Variants in RBFOX1 observed in about 807,000 individuals in gnomAD.
The protein encoded by RBFOX1 is RNA binding fox-1 homolog 1.
In RBFOX1, 8 loss-of-function variants were observed where a neutral mutation model predicts 57.7. The ratio of observed to expected loss-of-function variants is 0.14; its 90% CI spans 0.08 to 0.25. The LOEUF (loss-of-function observed/expected upper bound fraction) is 0.25. RBFOX1 is among the 10% of genes least tolerant of loss of function. The pLI is 1.00. For missense variants in RBFOX1, 611 were observed against 548.5 expected (o/e 1.11, Z -1.14); for synonymous variants, 326 against 222.4 (o/e 1.47, Z -4.15).
intron 3 of RBFOX1, among the ~76,000 whole-genome samples, chr16:6,991,169 G>T (rs917104655): frequency 7.0e-6 from 1 of 143,686 alleles, no homozygotes; most frequent in African/African-American, 2.6e-5. Context: ...AAAAGACACG[G>T]TGGCGTGTAC....
chr16:5,457,574 C>A (rs1278976585), intron 1 of RBFOX1, among the ~76,000 whole-genome samples: 1 of 152,212 alleles, frequency 6.6e-6, no homozygotes, highest in Non-Finnish European at 1.5e-5. Context: ...TGGGGCCACA[C>A]AGGCATTCAG....
chr16:7,403,070 A>G (rs914297330), intron 4 of RBFOX1, among the ~76,000 whole-genome samples: 2 of 152,136 alleles, frequency 1.3e-5, no homozygotes, highest in African/African-American at 2.4e-5. Context: ...TTATCTGACC[A>G]CTTCTTTTTA....
chr16:5,515,907 G>A (rs1567182128), intron 2 of RBFOX1, among the ~76,000 whole-genome samples: 1 of 152,176 alleles, frequency 6.6e-6, no homozygotes. Flanking sequence ...ACACAATGAG[G>A]TAGTCTATTC....
chr16:5,924,202 G>A (rs1235164705), intron 4 of RBFOX1, among the ~76,000 whole-genome samples: 1 of 152,164 alleles, frequency 6.6e-6, no homozygotes, highest in Non-Finnish European at 1.5e-5. Context: ...CCCCAGCCAT[G>A]TGGAACTGTG....
chr16:5,924,871 A>G (rs1295042600), intron 4 of RBFOX1, among the ~76,000 whole-genome samples: 1 of 152,164 alleles, frequency 6.6e-6, no homozygotes, highest in African/African-American at 2.4e-5. Flanking sequence ...TGGGGAGTAA[A>G]GTCTAACTGT....
At chr16:6,521,072 A>C (rs2096488797) in intron 2 of RBFOX1, among the ~76,000 whole-genome samples, 1 of 152,186 alleles carries the variant, frequency 6.6e-6, no homozygotes, top group Non-Finnish European at 1.5e-5. Flanking sequence ...AATTCCACGC[A>C]CAGGAATAGC....
intron 3 of RBFOX1, among the ~76,000 whole-genome samples, chr16:5,767,748 AT>A (rs2053838228): frequency 6.6e-6 from 1 of 152,170 alleles, no homozygotes; most frequent in South Asian, 2.1e-4. Flanking sequence ...GTAATTAGAT[AT>A]TTAAAGACCC....
At chr16:5,377,042 G>T (rs952939794) in intron 1 of RBFOX1, among the ~76,000 whole-genome samples, 1 of 151,664 alleles carries the variant, frequency 6.6e-6, no homozygotes, top group Admixed American at 6.5e-5. Context: ...CCACTTCTGG[G>T]GGAGCCCAAA....
chr16:6,660,796 C>T (rs1014447494), intron 3 of RBFOX1, among the ~76,000 whole-genome samples: 3 of 152,096 alleles, frequency 2.0e-5, no homozygotes, highest in Non-Finnish European at 4.4e-5. Context: ...ACCTACAGGC[C>T]TACCATGTCA....
intron 4 of RBFOX1, among the ~76,000 whole-genome samples, chr16:7,429,753 C>G (rs1469502968): frequency 6.6e-6 from 1 of 152,212 alleles, no homozygotes; most frequent in African/African-American, 2.4e-5. Flanking sequence ...GGTAGAGTAT[C>G]ACTCAGATAT....
At chr16:6,362,397 TA>T (rs2088733289) in intron 2 of RBFOX1, among the ~76,000 whole-genome samples, 1 of 152,136 alleles carries the variant, frequency 6.6e-6, no homozygotes. Flanking sequence ...GAAGTTTTCA[TA>T]AAATTGAATG....
chr16:5,862,578 A>G lies in RBFOX1; in HGVS notation c.319-4725A>G, dbSNP rs183798479. Among the ~76,000 whole-genome samples, 27 of 152,302 alleles carry G rather than the reference A, an allele frequency of 1.8e-4. No homozygotes were observed. The East Asian group carries it at 5.0e-3, about 28-fold the overall frequency. On this transcript the variant is annotated intron_variant, in intron 3 of 19. Coordinates refer to the RBFOX1 transcript ENST00000641259. Reference sequence around the variant, plus strand: ...CAGGGTTTTTGGATGGGAGCATTGCAGAGCTGTGCAGGGAGCGCTGTCTAG... The same window carrying G: ...CAGGGTTTTTGGATGGGAGCATTGCGGAGCTGTGCAGGGAGCGCTGTCTAG...
chr16:5,546,976 A>G (rs771497130), intron 2 of RBFOX1, among the ~76,000 whole-genome samples: 10 of 152,206 alleles, frequency 6.6e-5, no homozygotes, highest in Non-Finnish European at 1.3e-4. Flanking sequence ...TTAGATATAC[A>G]TGGCAAATAA....
intron 3 of RBFOX1, among the ~76,000 whole-genome samples, chr16:7,026,709 C>G (rs917729557): frequency 4.6e-5 from 7 of 152,178 alleles, no homozygotes; most frequent in African/African-American, 9.7e-5. Flanking sequence ...TACTGTGCCT[C>G]TGAACCCTCT....
chr16:7,430,372 C>T lies in RBFOX1; in HGVS notation c.28-87775C>T, dbSNP rs185011861. On this transcript the variant is annotated intron_variant, in intron 4 of 15. Coordinates refer to ENST00000550418, the MANE Select transcript of RBFOX1 (RefSeq NM_018723.4). ...TTCCTTCTTTGAATTAAAAATGGTACCCACCTAGGCTGGGCGCAGTGGCTC... is the reference window on the plus strand; with the variant it reads ...TTCCTTCTTTGAATTAAAAATGGTATCCACCTAGGCTGGGCGCAGTGGCTC... 2.0e-3 allele frequency among the ~76,000 whole-genome samples: 307 copies of T among 152,204 alleles called. 1 individual carries two copies. Among genetic ancestry groups the T allele is most frequent in the African/African-American group, 7.2e-3 (300 of 41,538 alleles).
chr16:5,360,121 A>T (rs2065502557), intron 1 of RBFOX1, among the ~76,000 whole-genome samples: 1 of 152,130 alleles, frequency 6.6e-6, no homozygotes, highest in Non-Finnish European at 1.5e-5. Context: ...GAGGACAGAG[A>T]CAGTTCTGGA....
Position 5,638,424 on chromosome 16 carries a change from C to G in RBFOX1, c.318+39463C>G, listed in dbSNP as rs146606130. Reference sequence around the variant, plus strand: ...CAGGGGGAGGGCTTCTGGGGAGTAACCATGATGATTGAATAAGCTGGTGTT... The same window carrying G: ...CAGGGGGAGGGCTTCTGGGGAGTAAGCATGATGATTGAATAAGCTGGTGTT... On this transcript the variant is annotated intron_variant, in intron 3 of 19. Transcript: ENST00000641259. Among the ~76,000 whole-genome samples the G allele has an allele frequency of 2.8e-3, 423 of 152,240 alleles. 3 individuals carry two copies. The highest frequency in any genetic ancestry group is 0.026 in the Admixed American group (398 of 15,296).
intron 4 of RBFOX1, among the ~76,000 whole-genome samples, chr16:5,949,019 C>T (rs1014651492): frequency 4.6e-5 from 7 of 152,142 alleles, no homozygotes; most frequent in African/African-American, 1.2e-4. Flanking sequence ...TGTGTGTCTA[C>T]GTGCGTCATA....
chr16:7,012,334 G>C (rs1052751227), intron 3 of RBFOX1, among the ~76,000 whole-genome samples: 1 of 152,174 alleles, frequency 6.6e-6, no homozygotes, highest in South Asian at 2.1e-4. Flanking sequence ...ACTAGTGACA[G>C]ACCTGGGACT....
Sources: gnomAD v4.1 joint callset for allele counts (sites outside exome capture counted in the v4.1 genomes callset) on GRCh38, gnomAD v4.1.1 for gene constraint, MANE v1.5 for transcripts, NCBI Gene and HGNC (gene_info 2026-07-23, HGNC 2026-07-21) for gene names.